Variants in HORMAD2 observed in about 807,000 individuals in gnomAD.
HORMAD2 encodes HORMA domain containing 2.
Under a neutral mutation model 38.8 loss-of-function variants are expected in HORMAD2, and 45 were observed. That is an observed-to-expected ratio of 1.16 (90% CI 0.91 to 1.49). The LOEUF (loss-of-function observed/expected upper bound fraction) is 1.49, where lower values mean the gene tolerates loss of function less well. Among genes scored for constraint, HORMAD2 ranks in the 40% most tolerant of loss-of-function variants. HORMAD2 has a pLI of 0.00. For missense variants in HORMAD2, 338 were observed against 367.0 expected (o/e 0.92, Z 0.65); for synonymous variants, 126 against 122.8 (o/e 1.03, Z -0.17).
chr22:30,191,356 A>T, the HORMAD2 span, among the ~76,000 whole-genome samples: 15 of 152,248 alleles, frequency 9.9e-5, no homozygotes, highest in South Asian at 2.9e-3. Flanking sequence ...TTTCTCTCTG[A>T]AACTTTCTGA....
chr22:30,158,289 T>C (rs1198579532), intron 10 of HORMAD2, among the ~76,000 whole-genome samples: 1 of 152,066 alleles, frequency 6.6e-6, no homozygotes, highest in Admixed American at 6.5e-5. Context: ...CTTAAAAGTT[T>C]GGTTCCTACA....
chr22:30,158,788 G>A (rs1281335402), intron 10 of HORMAD2, among the ~76,000 whole-genome samples: 4 of 151,338 alleles, frequency 2.6e-5, no homozygotes, highest in African/African-American at 7.3e-5. Flanking sequence ...GGGCTCCCGC[G>A]ATCCTCCCAC....
At position 30,123,458 on chromosome 22, in the gene HORMAD2, A is replaced by G. The variant is rs567614173; in HGVS notation, c.819+1244A>G. ...ATCCTCCTACCTCAGCCTCTCGAGT[A>G]GCTGGGACTATAGGCACATGCCACC... On this transcript the variant is annotated intron_variant, in intron 10 of 10. Coordinates refer to ENST00000336726, the MANE Select transcript of HORMAD2 (RefSeq NM_152510.4). 1.6e-4 allele frequency among the ~76,000 whole-genome samples: 25 copies of G among 152,188 alleles called. 1 individual carries two copies. The highest frequency in any genetic ancestry group is 1.6e-3 in the Admixed American group (25 of 15,268).
intron 10 of HORMAD2, among the ~76,000 whole-genome samples, chr22:30,158,470 TTTC>T (rs1482731514): frequency 1.3e-5 from 2 of 151,758 alleles, no homozygotes; most frequent in Non-Finnish European, 2.9e-5. Context: ...CCTTTCTTTC[TTTC>T]TTTTCTTTTC....
At chr22:30,201,660 C>A in the HORMAD2 span, among the ~76,000 whole-genome samples, 1 of 152,098 alleles carries the variant, frequency 6.6e-6, no homozygotes, top group African/African-American at 2.4e-5. Flanking sequence ...TCATGATCCG[C>A]CCGCCTCGGC....
At chr22:30,152,659 C>T (rs1017423705) in intron 10 of HORMAD2, among the ~76,000 whole-genome samples, 2 of 152,168 alleles carry the variant, frequency 1.3e-5, no homozygotes, top group African/African-American at 4.8e-5. Flanking sequence ...ATGATATACT[C>T]ATTTTAAAAC....
chr22:30,136,913 C>A, intron 10 of HORMAD2: 1 of 484,904 alleles, frequency 2.1e-6, no homozygotes, highest in South Asian at 2.8e-5. Flanking sequence ...ATTTATTGAC[C>A]ACTTCTTTCA....
chr22:30,081,895 A>G (rs2068484376), intron 1 of HORMAD2, among the ~76,000 whole-genome samples: 1 of 151,640 alleles, frequency 6.6e-6, no homozygotes, highest in Non-Finnish European at 1.5e-5. Context: ...CCTTTTCTTT[A>G]TAGTTTTATG....
chr22:30,125,164 T>A (rs1361403360), intron 10 of HORMAD2, among the ~76,000 whole-genome samples: 1 of 151,626 alleles, frequency 6.6e-6, no homozygotes, highest in Non-Finnish European at 1.5e-5. Context: ...TCATTTATGT[T>A]GCAATATTTT....
At chr22:30,141,491 T>G (rs986642745) in intron 10 of HORMAD2, among the ~76,000 whole-genome samples, 5 of 152,190 alleles carry the variant, frequency 3.3e-5, no homozygotes, top group Non-Finnish European at 7.3e-5. Flanking sequence ...CTGTACTCAA[T>G]TTGTAGTCTT....
the HORMAD2 span, among the ~76,000 whole-genome samples, chr22:30,186,401 G>A: frequency 5.0e-5 from 7 of 139,562 alleles, no homozygotes; most frequent in Admixed American, 2.9e-4. Flanking sequence ...GCCAGCTTTT[G>A]GGCTACACCT....
At chr22:30,120,787 G>T (rs972794392) in intron 8 of HORMAD2, among the ~76,000 whole-genome samples, 2 of 152,152 alleles carry the variant, frequency 1.3e-5, no homozygotes, top group African/African-American at 4.8e-5. Flanking sequence ...AAGAGTCTGC[G>T]CATGAGCTAG....
chr22:30,087,158 G>A (rs2068585008), intron 1 of HORMAD2, among the ~76,000 whole-genome samples: 1 of 152,186 alleles, frequency 6.6e-6, no homozygotes. Context: ...ACTGCGCCTG[G>A]CCTACATTTG....
chr22:30,192,551 T>A, the HORMAD2 span, among the ~76,000 whole-genome samples: 1 of 152,156 alleles, frequency 6.6e-6, no homozygotes, highest in Non-Finnish European at 1.5e-5. Context: ...CAAACACTTA[T>A]GCGAAAACAA....
At chr22:30,170,268 A>C (rs1287913108) in intron 10 of HORMAD2, among the ~76,000 whole-genome samples, 1 of 151,850 alleles carries the variant, frequency 6.6e-6, no homozygotes, top group African/African-American at 2.4e-5. Flanking sequence ...CACTACACTC[A>C]CCCCAGGCAC....
chr22:30,119,231 G>A (rs892952282), intron 8 of HORMAD2, among the ~76,000 whole-genome samples, 184 bp downstream of exon 8: 5 of 152,188 alleles, frequency 3.3e-5, no homozygotes, highest in African/African-American at 9.6e-5. Context: ...GATTAAGCTG[G>A]TGGGAATAGA....
intron 3 of HORMAD2, among the ~76,000 whole-genome samples, chr22:30,102,907 G>A (rs8141232): frequency 0.01 from 1,556 of 152,196 alleles, 24 homozygotes; most frequent in African/African-American, 0.036. Flanking sequence ...TGGGATTACA[G>A]GTGTGAGCCA....
chr22:30,118,505 G>A (rs1318830971), intron 7 of HORMAD2, among the ~76,000 whole-genome samples: 3 of 152,092 alleles, frequency 2.0e-5, no homozygotes, highest in Non-Finnish European at 2.9e-5. Flanking sequence ...TTACACTATC[G>A]GAATTAGCTT....
At chr22:30,089,128 C>T (rs1168483045) in intron 1 of HORMAD2, among the ~76,000 whole-genome samples, 1 of 152,124 alleles carries the variant, frequency 6.6e-6, no homozygotes, top group Non-Finnish European at 1.5e-5. Context: ...CACCTTGTGG[C>T]AGTGTTCGCA....
Sources: allele counts gnomAD v4.1 joint callset (sites outside exome capture counted in the v4.1 genomes callset), GRCh38; gene constraint gnomAD v4.1.1; transcripts MANE v1.5; gene names NCBI Gene and HGNC (gene_info 2026-07-23, HGNC 2026-07-21).